Variants in ERC2 observed in about 807,000 individuals in gnomAD.
ERC2 encodes ELKS/RAB6-interacting/CAST family member 2.
ERC2 carries 42 observed loss-of-function variants against 114.8 expected under a neutral mutation model. The ratio of observed to expected loss-of-function variants is 0.37; its 90% CI spans 0.29 to 0.47. ERC2 has a LOEUF of 0.47. Ranked by LOEUF, ERC2 falls within the 20% of genes least tolerant of loss-of-function variation. The probability of loss-of-function intolerance (pLI) is 0.99; values close to 1 mark genes in which losing one functional copy is unlikely to be tolerated. For missense variants in ERC2, 939 were observed against 1,150.7 expected (o/e 0.82, Z 2.66); for synonymous variants, 454 against 425.5 (o/e 1.07, Z -0.82).
At chr3:55,700,475 C>G (rs1467693313) in intron 15 of ERC2, among the ~76,000 whole-genome samples, 4 of 152,182 alleles carry the variant, frequency 2.6e-5, no homozygotes, top group Non-Finnish European at 5.9e-5. Flanking sequence ...GGAATAGTGC[C>G]TCTTTCCTCG....
chr3:55,997,721 C>CA (rs1039053874), intron 10 of ERC2, among the ~76,000 whole-genome samples: 20 of 147,252 alleles, frequency 1.4e-4, no homozygotes, highest in South Asian at 6.4e-4. Flanking sequence ...AGAAAGGTTA[C>CA]AAAAAAAAAT....
chr3:55,674,403 T>G (rs535285162), intron 17 of ERC2, among the ~76,000 whole-genome samples: 1 of 152,308 alleles, frequency 6.6e-6, no homozygotes, highest in South Asian at 2.1e-4. Flanking sequence ...AGATATATAC[T>G]GAAAAGTTAA....
intron 7 of ERC2, among the ~76,000 whole-genome samples, chr3:56,069,908 T>G (rs1253547340): frequency 1.3e-5 from 2 of 152,182 alleles, no homozygotes; most frequent in Non-Finnish European, 2.9e-5. Flanking sequence ...AGTTGTAGTA[T>G]AATCAGGTGA....
chr3:56,093,975 C>G (rs1332293611), intron 6 of ERC2, among the ~76,000 whole-genome samples: 1 of 152,040 alleles, frequency 6.6e-6, no homozygotes, highest in Admixed American at 6.6e-5. Flanking sequence ...ATTGTGGGCT[C>G]TAGTGGTTTA....
chr3:56,336,408 T>G (rs928069621), intron 2 of ERC2, among the ~76,000 whole-genome samples: 3 of 152,172 alleles, frequency 2.0e-5, no homozygotes, highest in Non-Finnish European at 4.4e-5. Flanking sequence ...TCGAGCAGTC[T>G]AAGTCTTTTT....
chr3:56,219,968 G>A lies in ERC2; in HGVS notation c.1075-46448C>T, dbSNP rs999806313. On this transcript the variant is annotated intron_variant, in intron 3 of 17. Coordinates refer to ENST00000288221, the MANE Select transcript of ERC2 (RefSeq NM_015576.3). ...TTAGGGAGATTAAAATGAAAATTGC[G>A]GAAAGTGCATTGCATATGATAAAAG... is the stretch of plus-strand genomic sequence containing the variant. Among the ~76,000 whole-genome samples the A allele has an allele frequency of 5.3e-5, 8 of 152,088 alleles. No homozygotes were observed. In the South Asian group the frequency reaches 6.2e-4, roughly 12 times the overall value.
At chr3:55,582,654 T>C (rs138328726) in intron 17 of ERC2, among the ~76,000 whole-genome samples, 2 of 152,236 alleles carry the variant, frequency 1.3e-5, no homozygotes, top group Non-Finnish European at 2.9e-5. Flanking sequence ...AACTTCATAC[T>C]GTTTTTCTTC....
intron 3 of ERC2, among the ~76,000 whole-genome samples, chr3:56,218,829 G>A (rs1383644622): frequency 6.6e-6 from 1 of 152,166 alleles, no homozygotes; most frequent in Non-Finnish European, 1.5e-5. Flanking sequence ...ATGAGTTCAT[G>A]TCCTTTGTAG....
chr3:56,287,202 C>T (rs2054779636), intron 3 of ERC2, among the ~76,000 whole-genome samples: 1 of 152,104 alleles, frequency 6.6e-6, no homozygotes, highest in African/African-American at 2.4e-5. Flanking sequence ...CCGTGTCTCA[C>T]AATTGACACA....
At chr3:56,293,692 A>C (rs928047332) in intron 3 of ERC2, among the ~76,000 whole-genome samples, 4 of 152,216 alleles carry the variant, frequency 2.6e-5, no homozygotes, top group African/African-American at 9.7e-5. Flanking sequence ...ATGCTCAGGG[A>C]AACTAGTTGA....
chr3:56,074,246 T>G (rs1284145420), intron 7 of ERC2, among the ~76,000 whole-genome samples: 1 of 152,166 alleles, frequency 6.6e-6, no homozygotes, highest in Admixed American at 6.6e-5. Flanking sequence ...GAACGAGTTC[T>G]TCTCTAAACC....
intron 1 of ERC2, among the ~76,000 whole-genome samples, chr3:56,451,146 G>A (rs965287236): frequency 2.6e-5 from 4 of 152,056 alleles, no homozygotes; most frequent in African/African-American, 9.7e-5. Flanking sequence ...GAATTATTGG[G>A]TCTTACACTA....
At chr3:56,118,070 A>G (rs370469803) in intron 6 of ERC2, among the ~76,000 whole-genome samples, 71 of 152,306 alleles carry the variant, frequency 4.7e-4, no homozygotes, top group African/African-American at 1.7e-3. Context: ...AGAATAGAGA[A>G]TATGTTCAGG....
rs183290210 is a variant in ERC2, at chr3:56,373,617, A to T, written c.657+60734T>A. On this transcript the variant is annotated intron_variant, in intron 2 of 17. Coordinates refer to ENST00000288221, the MANE Select transcript of ERC2 (RefSeq NM_015576.3). Reference sequence around the variant, plus strand: ...ATTGGTGTAAAGCAAGAGTCAGCAAATTTTTCTGCAAAGGGCCAAACAGTA... The same window carrying T: ...ATTGGTGTAAAGCAAGAGTCAGCAATTTTTTCTGCAAAGGGCCAAACAGTA... Among the ~76,000 whole-genome samples, 50 of 152,242 alleles carry T rather than the reference A, an allele frequency of 3.3e-4. No homozygotes were observed. In the East Asian group the frequency reaches 9.5e-3, roughly 29 times the overall value.
At chr3:55,901,724 C>T (rs1051823843) in intron 13 of ERC2, among the ~76,000 whole-genome samples, 4 of 152,228 alleles carry the variant, frequency 2.6e-5, no homozygotes, top group African/African-American at 9.6e-5. Context: ...GAGTGACATC[C>T]CATCACTTCC....
At chr3:56,106,746 A>C (rs1486901434) in intron 6 of ERC2, among the ~76,000 whole-genome samples, 1 of 152,162 alleles carries the variant, frequency 6.6e-6, no homozygotes, top group Non-Finnish European at 1.5e-5. Flanking sequence ...AGTGTTTATA[A>C]ACTGGCTTAT....
chr3:56,466,817 A>G (rs2063564074), intron 1 of ERC2, among the ~76,000 whole-genome samples: 1 of 152,226 alleles, frequency 6.6e-6, no homozygotes, highest in Non-Finnish European at 1.5e-5. Context: ...CAAGGACAAG[A>G]GTGACCATAG....
intron 14 of ERC2, among the ~76,000 whole-genome samples, chr3:55,859,161 C>T (rs549469338): frequency 3.9e-5 from 6 of 152,310 alleles, no homozygotes; most frequent in African/African-American, 1.4e-4. Context: ...GATGGAGAGA[C>T]ATACAGCTCT....
rs565123348 is a variant in ERC2 at position 56,459,194 on chromosome 3, T to C, written c.-141+9054A>G. Among the ~76,000 whole-genome samples, 7 of 152,284 alleles carry C rather than the reference T, an allele frequency of 4.6e-5. No homozygotes were observed. In the East Asian group the frequency reaches 1.2e-3, roughly 25 times the overall value. ...ATAGAGAAATATGCCACATAAGAAC[T>C]GGTAACCACAGTGCACAACTAGGTT... On this transcript the variant is annotated intron_variant, in intron 1 of 17. Coordinates refer to ENST00000288221, the MANE Select transcript of ERC2 (RefSeq NM_015576.3).
Sources: gnomAD v4.1 joint callset for allele counts (sites outside exome capture counted in the v4.1 genomes callset) on GRCh38, gnomAD v4.1.1 for gene constraint, MANE v1.5 for transcripts, NCBI Gene and HGNC (gene_info 2026-07-23, HGNC 2026-07-21) for gene names.